Variants in ZXDC observed in about 807,000 individuals in gnomAD.
The protein encoded by ZXDC is zinc finger protein ZXDC.
Under a neutral mutation model 63.6 loss-of-function variants are expected in ZXDC, and 58 were observed. The ratio of observed to expected loss-of-function variants is 0.91; its 90% confidence interval spans 0.74 to 1.13. The LOEUF is 1.13. Among genes scored for constraint, ZXDC ranks in the 50% most tolerant of loss-of-function variants. The pLI is 0.00. For missense variants in ZXDC, 1,133 were observed against 1,148.9 expected (o/e 0.99, Z 0.20); for synonymous variants, 561 against 496.1 (o/e 1.13, Z -1.74).
chr3:126,439,598 A>G (rs766087477), intron 9 of ZXDC, 34 bp downstream of exon 9: 67 of 1,551,398 alleles, frequency 4.3e-5, no homozygotes, highest in Non-Finnish European at 4.9e-5. Context: ...GCGAGTCTCA[A>G]TAAGAAAAAC....
chr3:126,461,553 G>A lies in ZXDC; in HGVS notation c.2109C>T (p.Gly703=). The A allele has an allele frequency of 6.2e-7, 1 of 1,612,448 alleles. No homozygotes were observed. Among genetic ancestry groups the A allele is most frequent in the Non-Finnish European group, 8.5e-7 (1 of 1,178,748 alleles). The change falls in exon 6 of 10, where the codon GGC becomes GGT. Residue 703 remains glycine, a synonymous_variant. Transcript: ENST00000389709. ...TTCATACCAAATAGAAGTTGCCAGT[G>A]CCTGCACTGAGCTCTGTGTCCTGGG... The part of the protein sequence containing the change: ...HGAQDTELSA[G]TGNFYLESGG...
At chr3:126,446,600 C>A (rs1040086905) in intron 7 of ZXDC, among the ~76,000 whole-genome samples, 1 of 152,134 alleles carries the variant, frequency 6.6e-6, no homozygotes, top group African/African-American at 2.4e-5. Flanking sequence ...GTCATGCGAG[C>A]TTCCTCTACT....
At chr3:126,466,370 G>A in intron 4 of ZXDC, 45 bp from the exon 5 acceptor site, 1 of 1,610,954 alleles carries the variant, frequency 6.2e-7, no homozygotes, top group Non-Finnish European at 8.5e-7. Context: ...GGATCACCAA[G>A]GAACCAGGAA....
intron 7 of ZXDC, chr3:126,457,527 T>C (rs1934355114): frequency 1.0e-6 from 1 of 985,304 alleles, no homozygotes; most frequent in Non-Finnish European, 1.2e-6. Flanking sequence ...CACGGAGACC[T>C]AGCAGGTACC....
chr3:126,471,164 C>T lies in ZXDC; in HGVS notation c.1140-139G>A. 1.6e-6 allele frequency: 2 copies of T among 1,273,628 alleles called. 1 individual carries two copies. Among genetic ancestry groups the T allele is most frequent in the Middle Eastern group, 4.2e-4 (2 of 4,726 alleles). 78.9% of individuals were successfully genotyped at this position (1,273,628 alleles called of 1,614,324 possible). On this transcript the variant is annotated intron_variant, in intron 3 of 9. Coordinates refer to ENST00000389709, the MANE Select transcript of ZXDC (RefSeq NM_025112.5). Reference sequence around the variant, plus strand: ...ACATTTCGGAAAATCTTAATTCTGTCTTTAATCCATGTGAGCAGATTTGCA... The same window carrying T: ...ACATTTCGGAAAATCTTAATTCTGTTTTTAATCCATGTGAGCAGATTTGCA...
chr3:126,464,822 G>A (rs772797229), intron 5 of ZXDC, among the ~76,000 whole-genome samples: 5 of 152,154 alleles, frequency 3.3e-5, no homozygotes, highest in Non-Finnish European at 5.9e-5. Flanking sequence ...CAGGTGGCAC[G>A]CACATTCCGT....
chr3:126,471,391 GCA>G (rs938183843), intron 3 of ZXDC, among the ~76,000 whole-genome samples: 4 of 152,214 alleles, frequency 2.6e-5, no homozygotes, highest in African/African-American at 9.7e-5. Context: ...TGAGAAATGT[GCA>G]CAGAGCATCA....
intron 7 of ZXDC, chr3:126,452,573 T>G (rs573311683): frequency 4.5e-5 from 44 of 984,512 alleles, no homozygotes; most frequent in Non-Finnish European, 4.9e-5. Flanking sequence ...CGATCTATTA[T>G]TGAGATAATG....
At chr3:126,460,516 C>T (rs1179125305) in intron 6 of ZXDC, 1 of 961,508 alleles carries the variant, frequency 1.0e-6, no homozygotes, top group African/African-American at 2.8e-5. Flanking sequence ...GCAGCTGCAC[C>T]AGGGAGCTTC....
chr3:126,438,565 T>C (rs1247630335), intron 9 of ZXDC, 104 bp from the exon 10 acceptor site: 2 of 966,890 alleles, frequency 2.1e-6, no homozygotes, highest in Non-Finnish European at 3.1e-6. Flanking sequence ...GTGAGATACC[T>C]GACTTCTCTT....
chr3:126,464,777 C>T (rs1159437188), intron 5 of ZXDC, among the ~76,000 whole-genome samples: 2 of 152,146 alleles, frequency 1.3e-5, no homozygotes, highest in Non-Finnish European at 2.9e-5. Context: ...TCATGTGGGC[C>T]TCTGTGAGCA....
intron 7 of ZXDC, chr3:126,458,877 A>T (rs1166294554): frequency 3.0e-6 from 3 of 985,362 alleles, no homozygotes; most frequent in East Asian, 1.1e-4. Flanking sequence ...CACTATAGTG[A>T]AACACTGGCT....
chr3:126,454,965 C>T (rs1934249378), intron 7 of ZXDC: 4 of 985,350 alleles, frequency 4.1e-6, no homozygotes, highest in Non-Finnish European at 4.8e-6. Flanking sequence ...ATTGCTCAGA[C>T]TGTACATTTC....
chr3:126,440,200 G>A, intron 8 of ZXDC: 1 of 998,164 alleles, frequency 1.0e-6, no homozygotes, highest in Non-Finnish European at 1.2e-6. Context: ...GAGAGGGGAG[G>A]CTGCCAGGCC....
rs1935129778 is a variant in ZXDC, at chr3:126,475,034, G to A, written c.832C>T (p.Pro278Ser). 2 of 1,599,188 alleles carry A rather than the reference G, an allele frequency of 1.3e-6. No individual in the cohort carries two copies. The highest frequency in any genetic ancestry group is 8.5e-7 in the Non-Finnish European group (1 of 1,173,324). ...FKCEVCAERF[P>S]THAKLSSHQR... ...TGGGAGCTGAGCTTGGCGTGCGTGG[G>A]GAAGCGCTCGGCGCACACCTCGCAC... Residue 278 changes from proline to serine, a missense_variant, in exon 1 of 10, where the codon CCC becomes TCC. Transcript: ENST00000389709.
chr3:126,461,117 A>G, intron 6 of ZXDC: 1 of 988,568 alleles, frequency 1.0e-6, no homozygotes, highest in Non-Finnish European at 1.2e-6. Flanking sequence ...ATTTTAAAAA[A>G]GAGTTTGGTA....
chr3:126,460,964 T>G, intron 6 of ZXDC: 1 of 978,298 alleles, frequency 1.0e-6, no homozygotes, highest in Non-Finnish European at 1.2e-6. Context: ...ATCTTTAAAT[T>G]ATTTTAAATT....
At chr3:126,466,103 C>G in intron 5 of ZXDC, 52 bp downstream of exon 5, 1 of 1,575,098 alleles carries the variant, frequency 6.3e-7, no homozygotes. Flanking sequence ...TGGCACTGTT[C>G]CCGTTTCTCA....
chr3:126,457,608 A>G, intron 7 of ZXDC: 1 of 985,414 alleles, frequency 1.0e-6, no homozygotes, highest in Non-Finnish European at 1.2e-6. Context: ...TCTGACCATC[A>G]CTGCAGGATG....
Sources: gnomAD v4.1 joint callset for allele counts (sites outside exome capture counted in the v4.1 genomes callset) on GRCh38, gnomAD v4.1.1 for gene constraint, MANE v1.5 for transcripts, NCBI Gene and HGNC (gene_info 2026-07-23, HGNC 2026-07-21) for gene names.